Variants in GNAO1 observed in about 807,000 individuals in gnomAD.
The protein encoded by GNAO1 is guanine nucleotide-binding protein G(o) subunit alpha.
For synonymous variants in GNAO1, 164 were observed against 180.7 expected, an observed-to-expected ratio of 0.91 and a Z score of 0.74; for missense variants, 166 against 478.7, an observed-to-expected ratio of 0.35 and a Z score of 6.10.
intron 6 of GNAO1, among the ~76,000 whole-genome samples, chr16:56,337,724 C>T (rs770585593): frequency 6.6e-6 from 1 of 152,220 alleles, no homozygotes; most frequent in Non-Finnish European, 1.5e-5. Flanking sequence ...GTTTCTGGGA[C>T]AGCAGCGCCA....
rs373870791 is a variant in GNAO1, at chr16:56,288,801, C to CCT, written c.303+12731_303+12732dup. On this transcript the variant is annotated intron_variant, in intron 3 of 8. Coordinates refer to ENST00000262493, the MANE Select transcript of GNAO1 (RefSeq NM_020988.3). ...CAGGCCTTCACTTAGAACACTGACC[C>CCT]CTCACAGAAAGACCAGCCCCTAGGC... 6.2e-4 allele frequency among the ~76,000 whole-genome samples: 94 copies of CCT among 152,146 alleles called. 3 individuals are homozygous for CCT. The East Asian group carries it at 0.018, about 29-fold the overall frequency.
At chr16:56,276,583 T>C (rs764860291) in intron 3 of GNAO1, 1 of 154,182 alleles carries the variant, frequency 6.5e-6, no homozygotes, top group Non-Finnish European at 1.4e-5. Flanking sequence ...CTCTCCTTCC[T>C]GTAGAAAGTC....
intron 2 of GNAO1, among the ~76,000 whole-genome samples, chr16:56,263,646 T>G (rs1480550970): frequency 6.6e-6 from 1 of 152,176 alleles, no homozygotes; most frequent in East Asian, 1.9e-4. Context: ...AGAACCCCTT[T>G]GATTATTTGC....
At chr16:56,321,031 CCA>C (rs1417047055) in intron 3 of GNAO1, among the ~76,000 whole-genome samples, 1 of 152,184 alleles carries the variant, frequency 6.6e-6, no homozygotes, top group Non-Finnish European at 1.5e-5. Flanking sequence ...ACAGGAAACA[CCA>C]CACGGCATGT....
chr16:56,237,493 C>T (rs2036649742), intron 2 of GNAO1, among the ~76,000 whole-genome samples: 1 of 152,078 alleles, frequency 6.6e-6, no homozygotes, highest in African/African-American at 2.4e-5. Context: ...TTCTGGTGGC[C>T]ACCCCACTGC....
chr16:56,201,280 C>T (rs1357059448), intron 2 of GNAO1, among the ~76,000 whole-genome samples: 1 of 151,602 alleles, frequency 6.6e-6, no homozygotes, highest in Non-Finnish European at 1.5e-5. Context: ...TTCACCAGGT[C>T]GAAAAAAAGG....
intron 3 of GNAO1, among the ~76,000 whole-genome samples, chr16:56,282,869 G>A (rs1298010127): frequency 6.6e-6 from 1 of 152,202 alleles, no homozygotes; most frequent in East Asian, 1.9e-4. Context: ...CTAAAACCTT[G>A]GGGACAGCCA....
chr16:56,331,114 C>T (rs1471692309), intron 4 of GNAO1, among the ~76,000 whole-genome samples: 5 of 152,220 alleles, frequency 3.3e-5, no homozygotes, highest in African/African-American at 1.2e-4. Flanking sequence ...TGCCACAGCA[C>T]GTGCTTCCAG....
intron 7 of GNAO1, chr16:56,353,257 C>G (rs1343005262): frequency 2.6e-5 from 4 of 152,334 alleles, no homozygotes; most frequent in African/African-American, 9.6e-5. Flanking sequence ...GGGCTACCCT[C>G]AGAGACAGGC....
intron 6 of GNAO1, chr16:56,344,599 T>C (rs2037843860): frequency 1.0e-6 from 1 of 985,988 alleles, no homozygotes; most frequent in Admixed American, 6.1e-5. Context: ...GTTCTGGAAA[T>C]GCTTCTTGAG....
chr16:56,328,973 C>A lies in GNAO1; in HGVS notation c.464+182C>A, dbSNP rs539127991. On this transcript the variant is annotated intron_variant, in intron 4 of 8. Coordinates refer to ENST00000262493, the MANE Select transcript of GNAO1 (RefSeq NM_020988.3). The stretch of plus-strand genomic sequence containing the variant: ...AGAAGGGGCCTCTCTTCCTGCACCC[C>A]AGGAGGAGAAAGAGGCCAGAGGAGG... 1.3e-3 allele frequency: 788 copies of A among 602,152 alleles called. 1 individual carries two copies. Among genetic ancestry groups the A allele is most frequent in the Non-Finnish European group, 2.0e-3 (703 of 344,438 alleles). 37.3% of individuals were successfully genotyped at this position (602,152 alleles called of 1,614,324 possible).
At chr16:56,210,516 A>G (rs1019675189) in intron 2 of GNAO1, among the ~76,000 whole-genome samples, 3 of 152,250 alleles carry the variant, frequency 2.0e-5, no homozygotes, top group Admixed American at 6.5e-5. Flanking sequence ...ATATAGATAT[A>G]TCATCTTGCA....
intron 3 of GNAO1, among the ~76,000 whole-genome samples, chr16:56,327,470 C>G (rs550956194): frequency 6.6e-6 from 1 of 152,034 alleles, no homozygotes; most frequent in Non-Finnish European, 1.5e-5. Context: ...TCTTGCCACT[C>G]GCTCCTGAGG....
At position 56,355,210 on chromosome 16, in the gene GNAO1, T is replaced by TAC. The variant is rs2037957120; in HGVS notation, c.*28+130_*28+131insCA. On this transcript the variant is annotated intron_variant, in intron 8 of 8. Coordinates refer to ENST00000262493, the MANE Select transcript of GNAO1 (RefSeq NM_020988.3). ...TTTAAAGAGGCATAACAAAACCTTA[T>TAC]ATATATATATATATATACAAATATA... The TAC allele has an allele frequency of 1.3e-5, 3 of 226,242 alleles. No individual in the cohort carries two copies. The South Asian group carries it at 5.4e-4, about 41-fold the overall frequency. The allele number at this position is 226,242 out of a possible 1,614,324, so 14.0% of individuals were successfully genotyped here.
chr16:56,224,873 A>ACAATCCT (rs1274736763), intron 2 of GNAO1, among the ~76,000 whole-genome samples: 7 of 152,244 alleles, frequency 4.6e-5, no homozygotes, highest in African/African-American at 1.7e-4. Flanking sequence ...GACACTTATA[A>ACAATCCT]GGTCTCAAAC....
intron 3 of GNAO1, among the ~76,000 whole-genome samples, chr16:56,324,119 A>G (rs550237471): frequency 3.3e-5 from 5 of 152,192 alleles, no homozygotes; most frequent in Non-Finnish European, 7.3e-5. Context: ...GAATCCCAGG[A>G]AATCATTTAT....
intron 2 of GNAO1, among the ~76,000 whole-genome samples, chr16:56,227,148 T>C (rs2036539449): frequency 6.6e-6 from 1 of 152,092 alleles, no homozygotes; most frequent in African/African-American, 2.4e-5. Context: ...TTTGTTTTTG[T>C]TTTTGTTTTT....
intron 2 of GNAO1, among the ~76,000 whole-genome samples, chr16:56,225,075 G>A (rs1596807182): frequency 1.3e-5 from 2 of 152,332 alleles, no homozygotes; most frequent in African/African-American, 4.8e-5. Flanking sequence ...GTAGGACAGG[G>A]TGCTAACCAG....
chr16:56,299,768 GAGGA>G (rs2037322987), intron 3 of GNAO1, among the ~76,000 whole-genome samples: 1 of 152,190 alleles, frequency 6.6e-6, no homozygotes, highest in Non-Finnish European at 1.5e-5. Context: ...TCCAGATGAT[GAGGA>G]AGCATCATCT....
Sources: allele counts gnomAD v4.1 joint callset (sites outside exome capture counted in the v4.1 genomes callset), GRCh38; gene constraint gnomAD v4.1.1; transcripts MANE v1.5; gene names NCBI Gene and HGNC (gene_info 2026-07-23, HGNC 2026-07-21).